Variants in UNCX observed in about 807,000 individuals in gnomAD.
UNCX encodes homeobox protein unc-4 homolog.
Under a neutral mutation model 14.8 loss-of-function variants are expected in UNCX, and 4 were observed. That is an observed-to-expected ratio of 0.27 (90% CI 0.13 to 0.62). The LOEUF (loss-of-function observed/expected upper bound fraction) is 0.62, where lower values mean the gene tolerates loss of function less well. UNCX is among the 20% of genes least tolerant of loss of function. The pLI is 0.86. For synonymous variants in UNCX, 459 were observed against 395.8 expected, an observed-to-expected ratio of 1.16 and a Z score of -1.90; for missense variants, 749 against 786.8, an observed-to-expected ratio of 0.95 and a Z score of 0.58.
chr7:1,236,591 C>A lies in UNCX; in HGVS notation c.1210C>A (p.Pro404Thr). The A allele has an allele frequency of 8.4e-7, 1 of 1,195,660 alleles. No homozygotes were observed. Among genetic ancestry groups the A allele is most frequent in the South Asian group, 2.6e-5 (1 of 38,204 alleles). The allele number at this position is 1,195,660 out of a possible 1,614,324, so 74.1% of individuals were successfully genotyped here. The change falls in exon 3 of 3, where the codon CCG (proline) becomes ACG (threonine). Residue 404 changes from proline (P) to threonine (T), a missense_variant. Transcript: ENST00000316333. The surrounding 1 kb of genome is among the most constrained non-coding windows in gnomAD (Gnocchi z 6.9). ...GCTCAAGGGCGGCGCGGGCCTGGAGCCGGCGCCCAAGGACGCGCCGCCCGC... is the reference window on the plus strand; with the variant it reads ...GCTCAAGGGCGGCGCGGGCCTGGAGACGGCGCCCAAGGACGCGCCGCCCGC... Reference protein sequence around the residue: ...AALKGGAGLEPAPKDAPPAPA... With the variant: ...AALKGGAGLETAPKDAPPAPA...
In UNCX at chr7:1,233,415, GC is replaced by G. The variant is rs373820130; in HGVS notation, c.275-94del. ...CCGGCTCCTAGGCGGCCGTCTCTGC[GC>G]CCCCCCCCCCGGATCCAGGCGGCCA... On this transcript the variant is annotated intron_variant, in intron 1 of 2. Transcript: ENST00000316333. The surrounding 1 kb of genome is among the most constrained non-coding windows in gnomAD (Gnocchi z 5.3). The G allele has an allele frequency of 0.074, 83,500 of 1,128,488 alleles. 2,165 individuals are homozygous for G. Among genetic ancestry groups the G allele is most frequent in the African/African-American group, 0.13 (5,848 of 45,596 alleles). The allele number at this position is 1,128,488 out of a possible 1,614,324, so 69.9% of individuals were successfully genotyped here. A position where few individuals can be genotyped will look rare whatever the true frequency, so the allele number is the denominator to read the frequency against.
Position 1,236,899 on chromosome 7 carries a change from G to A in UNCX, c.1518G>A (p.Pro506=), listed in dbSNP as rs922244237. 1.2e-4 allele frequency: 135 copies of A among 1,146,846 alleles called. No individual in the cohort carries two copies. The African/African-American group carries it at 2.0e-3, about 17-fold the overall frequency. 71.0% of individuals were successfully genotyped at this position (1,146,846 alleles called of 1,614,324 possible). The part of the protein sequence containing the change: ...GPRPPSPAEE[P]ATCGVPEPGA... ...GGCCTCCCAGCCCCGCCGAGGAGCC[G>A]GCCACCTGCGGGGTTCCCGAGCCTG... is the stretch of plus-strand genomic sequence containing the variant. The change falls in exon 3 of 3, where the codon CCG becomes CCA. Residue 506 remains proline, a synonymous_variant. Coordinates refer to ENST00000316333, the MANE Select transcript of UNCX (RefSeq NM_001080461.3). The surrounding 1 kb of genome is among the most constrained non-coding windows in gnomAD (Gnocchi z 6.9).
intron 2 of UNCX, among the ~76,000 whole-genome samples, chr7:1,234,056 C>G (rs1383911090): frequency 1.3e-5 from 2 of 151,626 alleles, no homozygotes; most frequent in African/African-American, 4.9e-5. Flanking sequence ...GGCTCCGACC[C>G]GGAGGAGAGA....
chr7:1,236,896 G>T lies in UNCX; in HGVS notation c.1515G>T (p.Glu505Asp), dbSNP rs1484858168. 1 of 1,140,282 alleles carries T rather than the reference G, an allele frequency of 8.8e-7. No homozygotes were observed. The highest frequency in any genetic ancestry group is 1.1e-6 in the Non-Finnish European group (1 of 930,016). 70.6% of individuals were successfully genotyped at this position (1,140,282 alleles called of 1,614,324 possible). A position where few individuals can be genotyped will look rare whatever the true frequency, so the allele number is the denominator to read the frequency against. The change falls in exon 3 of 3, where the codon GAG becomes GAT. Residue 505 changes from glutamate (E) to aspartate (D), a missense_variant. By Grantham distance (45) the Glu-to-Asp change is conservative. Coordinates refer to ENST00000316333, the MANE Select transcript of UNCX (RefSeq NM_001080461.3). The surrounding 1 kb of genome is among the most constrained non-coding windows in gnomAD (Gnocchi z 6.9). The part of the protein sequence containing the change: ...PGPRPPSPAE[E>D]PATCGVPEPG... Reference sequence around the variant, plus strand: ...CTCGGCCTCCCAGCCCCGCCGAGGAGCCGGCCACCTGCGGGGTTCCCGAGC... The same window carrying T: ...CTCGGCCTCCCAGCCCCGCCGAGGATCCGGCCACCTGCGGGGTTCCCGAGC...
chr7:1,236,023 C>T lies in UNCX; in HGVS notation c.642C>T (p.Ser214=). 1.2e-6 allele frequency: 2 copies of T among 1,605,620 alleles called. No homozygotes were observed. Among genetic ancestry groups the T allele is most frequent in the Non-Finnish European group, 1.7e-6 (2 of 1,177,222 alleles). ...AGCACGAGAAGAAGCTGCTGAAGAG[C>T]CAGGGCCGCCACTTGCACTCGCCCG... The part of the protein sequence containing the change: ...KRKHEKKLLK[S]QGRHLHSPGG... The change falls in exon 3 of 3, where the codon AGC becomes AGT. Residue 214 remains serine (S), a synonymous_variant. Coordinates refer to ENST00000316333, the MANE Select transcript of UNCX (RefSeq NM_001080461.3). This position sits in a 1 kb window ranked among gnomAD's most constrained non-coding sequence, Gnocchi z 6.9.
At position 1,233,463 on chromosome 7, in the gene UNCX, T is replaced by C; in HGVS notation, c.275-57T>C. 1 of 1,001,662 alleles carries C rather than the reference T, an allele frequency of 1.0e-6. No homozygotes were observed. The highest frequency in any genetic ancestry group is 1.2e-6 in the Non-Finnish European group (1 of 804,052). The allele number at this position is 1,001,662 out of a possible 1,614,324, so 62.0% of individuals were successfully genotyped here. On this transcript the variant is annotated intron_variant, in intron 1 of 2. Coordinates refer to ENST00000316333, the MANE Select transcript of UNCX (RefSeq NM_001080461.3). This position sits in a 1 kb window ranked among gnomAD's most constrained non-coding sequence, Gnocchi z 5.3. ...GCCAGCGGGTAGCGGGAGGGAGGGG[T>C]GGGGGTCGGGCCTGGGCCGGTGGCT...
At position 1,233,170 on chromosome 7, in the gene UNCX, C is replaced by A. The variant is rs749990364; in HGVS notation, c.153C>A (p.Pro51=). 4 of 1,463,592 alleles carry A rather than the reference C, an allele frequency of 2.7e-6. No individual in the cohort carries two copies. The highest frequency in any genetic ancestry group is 2.9e-5 in the African/African-American group (2 of 67,924). 90.7% of individuals were successfully genotyped at this position (1,463,592 alleles called of 1,614,324 possible). Residue 51 remains proline (P), a synonymous_variant, in exon 1 of 3, where the codon CCC becomes CCA. Transcript: ENST00000316333. The surrounding 1 kb of genome is among the most constrained non-coding windows in gnomAD (Gnocchi z 5.3). ...CGGCCGCCGCCGCCGCCTCGGTGCC[C>A]TTCTCCATCGACGGCCTGCTCGGGG... ...LQSAAAAASV[P]FSIDGLLGGS...
chr7:1,235,616 C>A (rs183963623), intron 2 of UNCX, among the ~76,000 whole-genome samples: 1,554 of 152,368 alleles, frequency 0.01, 18 homozygotes, highest in Middle Eastern at 0.048. Context: ...CGAGAGGCCC[C>A]GTCTACGCGC....
intron 2 of UNCX, among the ~76,000 whole-genome samples, chr7:1,235,413 C>T (rs1056941804): frequency 6.6e-6 from 1 of 152,236 alleles, no homozygotes; most frequent in Non-Finnish European, 1.5e-5. Context: ...GGTCCAACGG[C>T]AGGATGGTCA....
chr7:1,235,246 G>A (rs1778716141), intron 2 of UNCX, among the ~76,000 whole-genome samples: 1 of 152,230 alleles, frequency 6.6e-6, no homozygotes, highest in Non-Finnish European at 1.5e-5. Context: ...TGGGAGGGAG[G>A]CTGCAGAGGC....
chr7:1,236,611 G>A lies in UNCX; in HGVS notation c.1230G>A (p.Pro410=). 1.8e-6 allele frequency: 2 copies of A among 1,089,734 alleles called. No homozygotes were observed. Among genetic ancestry groups the A allele is most frequent in the South Asian group, 4.2e-5 (1 of 23,982 alleles). The allele number at this position is 1,089,734 out of a possible 1,614,324, so 67.5% of individuals were successfully genotyped here. A position where few individuals can be genotyped will look rare whatever the true frequency, so the allele number is the denominator to read the frequency against. ...AGLEPAPKDA[P]PAPAVPPAPP... ...TGGAGCCGGCGCCCAAGGACGCGCCGCCCGCGCCCGCCGTGCCGCCCGCGC... is the reference window on the plus strand; with the variant it reads ...TGGAGCCGGCGCCCAAGGACGCGCCACCCGCGCCCGCCGTGCCGCCCGCGC... The change falls in exon 3 of 3, where the codon CCG becomes CCA. Residue 410 remains proline (P), a synonymous_variant. Coordinates refer to ENST00000316333, the MANE Select transcript of UNCX (RefSeq NM_001080461.3). The surrounding 1 kb of genome is among the most constrained non-coding windows in gnomAD (Gnocchi z 6.9).
chr7:1,233,412 T>TGA lies in UNCX; in HGVS notation c.275-107_275-106insAG. 1.1e-6 allele frequency: 1 copy of TGA among 873,540 alleles called. No homozygotes were observed. Among genetic ancestry groups the TGA allele is most frequent in the Non-Finnish European group, 1.5e-6 (1 of 687,342 alleles). The allele number at this position is 873,540 out of a possible 1,614,324, so 54.1% of individuals were successfully genotyped here. A position where few individuals can be genotyped will look rare whatever the true frequency, so the allele number is the denominator to read the frequency against. ...GAGCCGGCTCCTAGGCGGCCGTCTC[T>TGA]GCGCCCCCCCCCCCGGATCCAGGCG... On this transcript the variant is annotated intron_variant, in intron 1 of 2. Coordinates refer to ENST00000316333, the MANE Select transcript of UNCX (RefSeq NM_001080461.3). This position sits in a 1 kb window ranked among gnomAD's most constrained non-coding sequence, Gnocchi z 5.3.
In UNCX at chr7:1,233,462, G is replaced by C; in HGVS notation, c.275-58G>C. 6.8e-7 allele frequency: 1 copy of C among 1,467,102 alleles called. No homozygotes were observed. Among genetic ancestry groups the C allele is most frequent in the Admixed American group, 2.4e-5 (1 of 42,466 alleles). The allele number at this position is 1,467,102 out of a possible 1,614,324, so 90.9% of individuals were successfully genotyped here. On this transcript the variant is annotated intron_variant, in intron 1 of 2. Transcript: ENST00000316333. This position sits in a 1 kb window ranked among gnomAD's most constrained non-coding sequence, Gnocchi z 5.3. ...GGCCAGCGGGTAGCGGGAGGGAGGGGTGGGGGTCGGGCCTGGGCCGGTGGC... is the reference window on the plus strand; with the variant it reads ...GGCCAGCGGGTAGCGGGAGGGAGGGCTGGGGGTCGGGCCTGGGCCGGTGGC...
rs1441029482 is a variant in UNCX at position 1,233,032 on chromosome 7, C to A, written c.15C>A (p.Arg5=). 7.7e-7 allele frequency: 1 copy of A among 1,303,064 alleles called. No individual in the cohort carries two copies. Among genetic ancestry groups the A allele is most frequent in the Admixed American group, 3.4e-5 (1 of 29,060 alleles). The allele number at this position is 1,303,064 out of a possible 1,614,324, so 80.7% of individuals were successfully genotyped here. MMDG[R]LLEHPHAQFG... is the part of the protein sequence containing the mutation. The stretch of plus-strand genomic sequence containing the variant: ...CCCCGCGCGAGATGATGGACGGCCG[C>A]CTCCTGGAACACCCGCATGCCCAGT... Residue 5 remains arginine (R), a synonymous_variant, in exon 1 of 3, where the codon CGC becomes CGA. Coordinates refer to ENST00000316333, the MANE Select transcript of UNCX (RefSeq NM_001080461.3). The surrounding 1 kb of genome is among the most constrained non-coding windows in gnomAD (Gnocchi z 5.3).
At position 1,236,286 on chromosome 7, in the gene UNCX, C is replaced by T. The variant is rs1778738958; in HGVS notation, c.905C>T (p.Pro302Leu). The T allele has an allele frequency of 2.9e-6, 4 of 1,377,504 alleles. No homozygotes were observed. The Admixed American group carries it at 1.1e-4, about 38-fold the overall frequency. The allele number at this position is 1,377,504 out of a possible 1,614,324, so 85.3% of individuals were successfully genotyped here. The change falls in exon 3 of 3, where the codon CCT (proline) becomes CTT (leucine). Residue 302 changes from proline (P) to leucine (L), a missense_variant. Pro to Leu is a moderately conservative substitution (Grantham distance 98). This residue lies in a region of UNCX where 552 missense variants were observed against 507.2 expected (regional missense o/e 1.09). Coordinates refer to ENST00000316333, the MANE Select transcript of UNCX (RefSeq NM_001080461.3). The surrounding 1 kb of genome is among the most constrained non-coding windows in gnomAD (Gnocchi z 6.9). ...GAGPQPRPGR[P>L]ADKDAASCGP... ...GGCCCACAGCCGCGCCCAGGTCGCCCTGCGGACAAGGACGCGGCCTCGTGC... is the reference window on the plus strand; with the variant it reads ...GGCCCACAGCCGCGCCCAGGTCGCCTTGCGGACAAGGACGCGGCCTCGTGC...
chr7:1,236,374 A>T lies in UNCX; in HGVS notation c.993A>T (p.Pro331=). The change falls in exon 3 of 3, where the codon CCA becomes CCT. Residue 331 remains proline (P), a synonymous_variant. Transcript: ENST00000316333. The surrounding 1 kb of genome is among the most constrained non-coding windows in gnomAD (Gnocchi z 6.9). ...RGAAGLPKAS[P]FSVESLLSDS... ...CCGCGGGGCTGCCCAAGGCCAGCCC[A>T]TTCAGCGTGGAGAGCCTCCTGTCCG... 7.4e-7 allele frequency: 1 copy of T among 1,359,922 alleles called. No individual in the cohort carries two copies. 84.2% of individuals were successfully genotyped at this position (1,359,922 alleles called of 1,614,324 possible).
In UNCX at chr7:1,233,416, C is replaced by G; in HGVS notation, c.275-104C>G. ...CGGCTCCTAGGCGGCCGTCTCTGCG[C>G]CCCCCCCCCCGGATCCAGGCGGCCA... On this transcript the variant is annotated intron_variant, in intron 1 of 2. Coordinates refer to ENST00000316333, the MANE Select transcript of UNCX (RefSeq NM_001080461.3). The surrounding 1 kb of genome is among the most constrained non-coding windows in gnomAD (Gnocchi z 5.3). The G allele has an allele frequency of 1.2e-6, 1 of 839,584 alleles. No individual in the cohort carries two copies. The highest frequency in any genetic ancestry group is 1.4e-6 in the Non-Finnish European group (1 of 694,912). The allele number at this position is 839,584 out of a possible 1,614,324, so 52.0% of individuals were successfully genotyped here.
chr7:1,235,403 G>T (rs1778718765), intron 2 of UNCX, among the ~76,000 whole-genome samples: 1 of 152,264 alleles, frequency 6.6e-6, no homozygotes, highest in Non-Finnish European at 1.5e-5. Context: ...GTGGCTCAGC[G>T]GTCCAACGGC....
At position 1,237,099 on chromosome 7, in the gene UNCX, C is replaced by T; in HGVS notation, c.*122C>T. 2.3e-5 allele frequency: 21 copies of T among 897,808 alleles called. No individual in the cohort carries two copies. The highest frequency in any genetic ancestry group is 2.7e-5 in the Non-Finnish European group (20 of 735,616). 55.6% of individuals were successfully genotyped at this position (897,808 alleles called of 1,614,324 possible). ...GCTTTCCCTTCTTTTCTTTTGTTTT[C>T]TTTCTTTTATTATTTTTTTTAAGAG... On this transcript the variant is annotated 3_prime_UTR_variant, in exon 3 of 3. Transcript: ENST00000316333. This position sits in a 1 kb window ranked among gnomAD's most constrained non-coding sequence, Gnocchi z 5.8.
Sources: allele counts gnomAD v4.1 joint callset (sites outside exome capture counted in the v4.1 genomes callset), GRCh38; gene constraint gnomAD v4.1.1; regional missense constraint gnomAD v4.1.1; non-coding constraint Gnocchi (gnomAD v3.1); transcripts MANE v1.5; gene names NCBI Gene and HGNC (gene_info 2026-07-23, HGNC 2026-07-21).